Variants in OXR1 observed in about 807,000 individuals in gnomAD.
The protein encoded by OXR1 is oxidation resistance protein 1.
OXR1 carries 41 observed loss-of-function variants against 104.6 expected under a neutral mutation model. That is an observed-to-expected ratio of 0.39 (90% CI 0.31 to 0.51). The LOEUF (loss-of-function observed/expected upper bound fraction) is 0.51. OXR1 is among the 20% of genes least tolerant of loss of function. The pLI is 0.77. For missense variants in OXR1, 955 were observed against 1,031.9 expected, an observed-to-expected ratio of 0.93 and a Z score of 1.02; for synonymous variants, 348 against 348.4, an observed-to-expected ratio of 1.00 and a Z score of 0.01.
intron 1 of OXR1, among the ~76,000 whole-genome samples, chr8:106,295,194 C>A (rs186792839): frequency 6.6e-6 from 1 of 152,136 alleles, no homozygotes; most frequent in Admixed American, 6.5e-5. Flanking sequence ...AAGGCAAAGC[C>A]TTCATTAGGC....
Position 106,724,143 on chromosome 8 carries a change from C to G in OXR1, c.1956+10158C>G, listed in dbSNP as rs115083974. 2.2e-3 allele frequency among the ~76,000 whole-genome samples: 342 copies of G among 152,070 alleles called. 1 individual carries two copies. Among genetic ancestry groups the G allele is most frequent in the African/African-American group, 7.9e-3 (326 of 41,480 alleles). On this transcript the variant is annotated intron_variant, in intron 11 of 16. Transcript: ENST00000517566. ...AGCTTCTATCATACCATTCCCAACT[C>G]AAATAGGAAGAGATATAAGGTAATT...
intron 3 of OXR1, among the ~76,000 whole-genome samples, chr8:106,582,529 C>T (rs1215474212): frequency 6.6e-6 from 1 of 151,522 alleles, no homozygotes; most frequent in South Asian, 2.1e-4. Flanking sequence ...CAATGGAGAG[C>T]GTTAAATAAA....
chr8:106,395,203 C>T (rs1210314768), intron 2 of OXR1, among the ~76,000 whole-genome samples: 1 of 152,082 alleles, frequency 6.6e-6, no homozygotes, highest in East Asian at 1.9e-4. Context: ...AAGCTAAAAT[C>T]ACTACCAGAT....
chr8:106,744,020 A>G (rs1835169997), intron 15 of OXR1, among the ~76,000 whole-genome samples: 1 of 152,202 alleles, frequency 6.6e-6, no homozygotes, highest in Non-Finnish European at 1.5e-5. Context: ...TCAGGGGAAC[A>G]ACACAGACCT....
intron 1 of OXR1, among the ~76,000 whole-genome samples, chr8:106,330,716 G>A (rs970948520): frequency 6.6e-6 from 1 of 152,186 alleles, no homozygotes; most frequent in African/African-American, 2.4e-5. Context: ...ACCCCTGCAA[G>A]TGCAGGTCAC....
intron 7 of OXR1, among the ~76,000 whole-genome samples, chr8:106,695,401 T>A (rs1829907634): frequency 6.6e-6 from 1 of 151,726 alleles, no homozygotes; most frequent in South Asian, 2.1e-4. Flanking sequence ...GTTACTATCA[T>A]GTTTATGTAT....
chr8:106,397,373 G>A (rs1183468062), intron 2 of OXR1, among the ~76,000 whole-genome samples: 2 of 152,056 alleles, frequency 1.3e-5, no homozygotes, highest in African/African-American at 4.8e-5. Context: ...GCGTACATGG[G>A]TCGGAAGGAG....
At chr8:106,349,707 C>G (rs1586554895) in intron 1 of OXR1, among the ~76,000 whole-genome samples, 1 of 151,906 alleles carries the variant, frequency 6.6e-6, no homozygotes, top group Admixed American at 6.6e-5. Flanking sequence ...TGGAGAGCTT[C>G]GATGTTTCAG....
At chr8:106,670,472 G>A (rs1003312079) in intron 3 of OXR1, among the ~76,000 whole-genome samples, 2 of 152,070 alleles carry the variant, frequency 1.3e-5, no homozygotes, top group African/African-American at 4.8e-5. Context: ...ATAGAAACAG[G>A]CCCACGGTAA....
chr8:106,609,936 T>C (rs1468887890), intron 3 of OXR1, among the ~76,000 whole-genome samples: 7 of 151,784 alleles, frequency 4.6e-5, no homozygotes, highest in African/African-American at 1.7e-4. Context: ...AGGTAAAGAG[T>C]ATATGTTTTT....
chr8:106,547,201 T>C (rs1815428288), intron 3 of OXR1, among the ~76,000 whole-genome samples: 1 of 152,130 alleles, frequency 6.6e-6, no homozygotes, highest in African/African-American at 2.4e-5. Context: ...TTTTAACCAT[T>C]TTTAAGTGAA....
intron 3 of OXR1, among the ~76,000 whole-genome samples, chr8:106,533,712 CTTTT>C (rs34122715): frequency 3.8e-5 from 5 of 132,436 alleles, no homozygotes; most frequent in African/African-American, 2.7e-5. Context: ...GTTGAGTTTA[CTTTT>C]TTTTTTTTTT....
intron 7 of OXR1, among the ~76,000 whole-genome samples, chr8:106,702,369 A>C (rs1269403462): frequency 6.6e-6 from 1 of 152,232 alleles, no homozygotes; most frequent in African/African-American, 2.4e-5. Context: ...TTAATTTTAC[A>C]GATGAAGAAA....
chr8:106,682,265 C>CTTTTTTT (rs760684524), intron 4 of OXR1, among the ~76,000 whole-genome samples: 3 of 117,860 alleles, frequency 2.5e-5, no homozygotes, highest in Non-Finnish European at 5.4e-5. Flanking sequence ...AGAGCTCTCT[C>CTTTTTTT]TTTTTTTTTT....
chr8:106,295,712 T>C (rs142099443), intron 1 of OXR1, among the ~76,000 whole-genome samples: 3 of 152,290 alleles, frequency 2.0e-5, no homozygotes, highest in African/African-American at 7.2e-5. Flanking sequence ...GAAGCTACGG[T>C]GTTTTCCATT....
intron 1 of OXR1, among the ~76,000 whole-genome samples, chr8:106,289,466 G>A (rs1812652518): frequency 6.6e-6 from 1 of 152,168 alleles, no homozygotes; most frequent in Non-Finnish European, 1.5e-5. Flanking sequence ...GGAGGTGGAA[G>A]ACTTCTGCAA....
chr8:106,723,452 C>T (rs1424258271), intron 11 of OXR1, among the ~76,000 whole-genome samples: 1 of 149,994 alleles, frequency 6.7e-6, no homozygotes, highest in Non-Finnish European at 1.5e-5. Context: ...GAGCCGAGAT[C>T]GTGCCACTGC....
intron 2 of OXR1, among the ~76,000 whole-genome samples, chr8:106,379,503 G>A (rs1251258609): frequency 3.3e-5 from 5 of 149,390 alleles, no homozygotes; most frequent in Admixed American, 3.3e-4. Context: ...ACTATAATAA[G>A]CCTGTATTCT....
intron 1 of OXR1, among the ~76,000 whole-genome samples, chr8:106,354,509 A>C (rs1815876471): frequency 6.6e-6 from 1 of 152,144 alleles, no homozygotes; most frequent in Non-Finnish European, 1.5e-5. Context: ...TCCCAGTTTG[A>C]AATTATCTAT....
Sources: allele counts gnomAD v4.1 joint callset (sites outside exome capture counted in the v4.1 genomes callset), GRCh38; gene constraint gnomAD v4.1.1; transcripts MANE v1.5; gene names NCBI Gene and HGNC (gene_info 2026-07-23, HGNC 2026-07-21).